KAT2B: variants seen among roughly 807,000 people sequenced by gnomAD.
KAT2B encodes the protein histone acetyltransferase KAT2B.
Under a neutral mutation model 105.9 loss-of-function variants are expected in KAT2B, and 36 were observed. That is an observed-to-expected ratio of 0.34 (90% confidence interval 0.26 to 0.45). The LOEUF (loss-of-function observed/expected upper bound fraction) is 0.45. Ranked by LOEUF, KAT2B falls within the 20% of genes least tolerant of loss-of-function variation. The pLI is 1.00. For missense variants in KAT2B, 820 were observed against 1,021.6 expected (o/e 0.80, Z 2.69); for synonymous variants, 397 against 377.9 (o/e 1.05, Z -0.59).
intron 5 of KAT2B, among the ~76,000 whole-genome samples, chr3:20,110,609 G>A (rs1699102457): frequency 6.8e-6 from 1 of 147,304 alleles, no homozygotes; most frequent in Admixed American, 7.0e-5. Flanking sequence ...GGAGGTAGAG[G>A]TTGCAGTGAG....
At chr3:20,111,969 G>T (rs1349692697) in intron 6 of KAT2B, among the ~76,000 whole-genome samples, 182 bp downstream of exon 6, 1 of 152,130 alleles carries the variant, frequency 6.6e-6, no homozygotes, top group African/African-American at 2.4e-5. Flanking sequence ...CCATTTATTA[G>T]CCTGACTTTG....
At chr3:20,062,098 C>CTTATAATATATATTAT (rs1698125265) in intron 1 of KAT2B, among the ~76,000 whole-genome samples, 1 of 74,560 alleles carries the variant, frequency 1.3e-5, no homozygotes, top group Admixed American at 2.3e-4. Flanking sequence ...ATATATAAAA[C>CTTATAATATATATTAT]ATATAATATA....
chr3:20,125,451 G>A (rs1019658900), intron 9 of KAT2B, among the ~76,000 whole-genome samples: 1 of 152,172 alleles, frequency 6.6e-6, no homozygotes, highest in African/African-American at 2.4e-5. Flanking sequence ...TAACCCACAG[G>A]CCACATTTTG....
At chr3:20,042,066 A>G (rs112075281) in intron 1 of KAT2B, among the ~76,000 whole-genome samples, 3,903 of 152,246 alleles carry the variant, frequency 0.026, 84 homozygotes, top group Non-Finnish European at 0.037. Flanking sequence ...TCAAACTTTA[A>G]TGTGCATGGG....
chr3:20,107,011 ATATAT>A (rs1699030176), intron 5 of KAT2B, among the ~76,000 whole-genome samples: 1 of 24,888 alleles, frequency 4.0e-5, no homozygotes, highest in African/African-American at 1.8e-4. Flanking sequence ...ATATATATAT[ATATAT>A]TTTTTTTTTT....
intron 1 of KAT2B, among the ~76,000 whole-genome samples, chr3:20,059,078 G>GC (rs1276899738): frequency 6.6e-6 from 1 of 152,154 alleles, no homozygotes; most frequent in Non-Finnish European, 1.5e-5. Context: ...GGCAATCCCA[G>GC]CTGCTTACAG....
intron 11 of KAT2B, among the ~76,000 whole-genome samples, chr3:20,134,353 C>CA (rs1699563321): frequency 6.6e-6 from 1 of 152,090 alleles, no homozygotes; most frequent in Non-Finnish European, 1.5e-5. Context: ...TTCTCTTTAC[C>CA]ACCTTGATTA....
At chr3:20,072,254 G>A in intron 1 of KAT2B, 79 bp from the exon 2 acceptor site, 1 of 1,411,164 alleles carries the variant, frequency 7.1e-7, no homozygotes. Context: ...TATAATTAGT[G>A]TACATTGTTC....
chr3:20,119,892 C>T (rs1575145139), intron 8 of KAT2B, among the ~76,000 whole-genome samples, 169 bp downstream of exon 8: 2 of 152,296 alleles, frequency 1.3e-5, no homozygotes, highest in South Asian at 4.1e-4. Flanking sequence ...TTAGTTATTG[C>T]TATCTTAAAA....
At chr3:20,148,778 A>C in intron 17 of KAT2B, 1 of 305,696 alleles carries the variant, frequency 3.3e-6, no homozygotes, top group East Asian at 5.8e-5. Flanking sequence ...GGCACTTTAG[A>C]TATAACTTTG....
At chr3:20,140,744 G>C (rs12488589) in intron 13 of KAT2B, among the ~76,000 whole-genome samples, 22,989 of 151,912 alleles carry the variant, frequency 0.15, 2,099 homozygotes, top group Middle Eastern at 0.22. Flanking sequence ...CACCTGCCTC[G>C]GCCTCCCAAA....
Position 20,152,627 on chromosome 3 carries a change from TTGTAAA to T in KAT2B, c.*108_*113del, listed in dbSNP as rs1352704785. 7.0e-6 allele frequency: 6 copies of T among 854,328 alleles called. No homozygotes were observed. The highest frequency in any genetic ancestry group is 6.8e-5 in the African/African-American group (4 of 58,876). 52.9% of individuals were successfully genotyped at this position (854,328 alleles called of 1,614,324 possible). The stretch of plus-strand genomic sequence containing the variant: ...ATTGGACATGATGTATTGAAGAGAC[TTGTAAA>T]TGTAATAATTAGCACTTTTGAAAAA... On this transcript the variant is annotated 3_prime_UTR_variant, in exon 18 of 18. Coordinates refer to ENST00000263754, the MANE Select transcript of KAT2B (RefSeq NM_003884.5).
intron 7 of KAT2B, among the ~76,000 whole-genome samples, chr3:20,117,099 CT>C (rs34236820): frequency 0.11 from 16,710 of 152,234 alleles, 1,154 homozygotes; most frequent in Admixed American, 0.16. Context: ...TGTGTGAAAA[CT>C]CCCCTTGACC....
At chr3:20,151,661 T>C (rs986235274) in intron 17 of KAT2B, among the ~76,000 whole-genome samples, 2 of 152,202 alleles carry the variant, frequency 1.3e-5, no homozygotes, top group African/African-American at 2.4e-5. Flanking sequence ...TGTTTTCACC[T>C]GTAAAATACT....
intron 13 of KAT2B, among the ~76,000 whole-genome samples, chr3:20,142,206 C>G (rs896945347): frequency 2.6e-5 from 4 of 152,132 alleles, no homozygotes; most frequent in Admixed American, 6.5e-5. Flanking sequence ...AGATGGCTAA[C>G]AAAGCAGTCA....
chr3:20,147,847 C>G (rs954749728), intron 14 of KAT2B, 116 bp from the exon 15 acceptor site: 5 of 918,884 alleles, frequency 5.4e-6, no homozygotes, highest in Non-Finnish European at 6.7e-6. Flanking sequence ...AGTCGTCTCT[C>G]AGAAGTAGAC....
Position 20,126,081 on chromosome 3 carries a change from A to G in KAT2B, c.1590A>G (p.Pro530=), listed in dbSNP as rs773114824. The change falls in exon 10 of 18, where the codon CCA becomes CCG. Residue 530 remains proline (P), a synonymous_variant. Transcript: ENST00000263754. ...TCTCCCACCAGCTGCCCCGAATGCC[A>G]AAAGAATACATCACACGGCTCGTCT... ...NVFSHQLPRM[P]KEYITRLVFD... The G allele has an allele frequency of 1.2e-6, 2 of 1,611,568 alleles. No individual in the cohort carries two copies. The highest frequency in any genetic ancestry group is 2.7e-5 in the African/African-American group (2 of 74,890).
chr3:20,147,592 A>G (rs1699800618), intron 14 of KAT2B, among the ~76,000 whole-genome samples: 1 of 152,240 alleles, frequency 6.6e-6, no homozygotes, highest in Admixed American at 6.5e-5. Context: ...AACAGAGACC[A>G]GGACAGAGTT....
intron 1 of KAT2B, among the ~76,000 whole-genome samples, chr3:20,060,523 C>T (rs1698082528): frequency 6.6e-6 from 1 of 152,184 alleles, no homozygotes; most frequent in Non-Finnish European, 1.5e-5. Flanking sequence ...ATCTCTTAAA[C>T]CCAGGAGGCG....
Sources: allele counts gnomAD v4.1 joint callset (sites outside exome capture counted in the v4.1 genomes callset), GRCh38; gene constraint gnomAD v4.1.1; transcripts MANE v1.5; gene names NCBI Gene and HGNC (gene_info 2026-07-23, HGNC 2026-07-21).